The following CSMD1 variants were observed in gnomAD, a reference collection of about 807,000 sequenced individuals.
CSMD1 encodes CUB and Sushi multiple domains 1, also known as CUB and sushi domain-containing protein 1.
Under a neutral mutation model 417.5 loss-of-function variants are expected in CSMD1, and 213 were observed. The ratio of observed to expected loss-of-function variants is 0.51; its 90% confidence interval spans 0.46 to 0.57. The LOEUF (loss-of-function observed/expected upper bound fraction) is 0.57. Ranked by LOEUF, CSMD1 falls within the 20% of genes least tolerant of loss-of-function variation. CSMD1 has a pLI of 0.00. For missense variants in CSMD1, 6,923 were observed against 4,529.7 expected (o/e 1.53, Z -15.17); for synonymous variants, 2,862 against 1,736.8 (o/e 1.65, Z -16.11).
chr8:4,721,704 T>C lies in CSMD1; in HGVS notation c.86-84146A>G, dbSNP rs565425845. 2.0e-5 allele frequency among the ~76,000 whole-genome samples: 3 copies of C among 152,242 alleles called. No homozygotes were observed. The East Asian group carries it at 5.8e-4, about 29-fold the overall frequency. On this transcript the variant is annotated intron_variant, in intron 1 of 69. Transcript: ENST00000635120. ...ATATAACCCAGCAATCCCCCTGTTG[T>C]ATCTAAAACCAAAGGAAATGAAACC...
chr8:3,024,854 G>A (rs1178812949), intron 51 of CSMD1, among the ~76,000 whole-genome samples: 1 of 151,492 alleles, frequency 6.6e-6, no homozygotes, highest in African/African-American at 2.4e-5. Flanking sequence ...TAGTACTCAT[G>A]AAAATCCATG....
intron 26 of CSMD1, among the ~76,000 whole-genome samples, chr8:3,258,697 C>A (rs961624446): frequency 6.6e-5 from 10 of 152,136 alleles, no homozygotes; most frequent in African/African-American, 2.4e-4. Context: ...AACCTAAATG[C>A]CCATCAGTGA....
intron 25 of CSMD1, 106 bp downstream of exon 25, chr8:3,307,589 G>A (rs1420752888): frequency 7.7e-6 from 10 of 1,292,060 alleles, no homozygotes; most frequent in African/African-American, 1.5e-5. Context: ...TTCTTCTTTA[G>A]TTCAGAAACT....
At chr8:4,954,010 G>C (rs142354674) in intron 1 of CSMD1, among the ~76,000 whole-genome samples, 1 of 152,002 alleles carries the variant, frequency 6.6e-6, no homozygotes, top group East Asian at 1.9e-4. Flanking sequence ...CAATGAAGAC[G>C]TTACCCTTCC....
intron 3 of CSMD1, among the ~76,000 whole-genome samples, chr8:4,209,496 C>T (rs1412370706): frequency 1.3e-5 from 2 of 152,342 alleles, no homozygotes; most frequent in South Asian, 2.1e-4. Context: ...CTTAACCTCA[C>T]TCCCATGGCC....
At chr8:3,032,318 T>C (rs1810395011) in intron 50 of CSMD1, among the ~76,000 whole-genome samples, 1 of 151,970 alleles carries the variant, frequency 6.6e-6, no homozygotes, top group South Asian at 2.1e-4. Context: ...TCCCAAATAA[T>C]ATAAACCAAG....
At chr8:4,313,945 C>G (rs1431777153) in intron 3 of CSMD1, among the ~76,000 whole-genome samples, 1 of 151,814 alleles carries the variant, frequency 6.6e-6, no homozygotes, top group African/African-American at 2.4e-5. Context: ...ACCTGGGAGG[C>G]AGAGGTTGCA....
At position 3,848,087 on chromosome 8, in the gene CSMD1, C is replaced by CTCTCTCTT. The variant is rs35963680; in HGVS notation, c.819-94046_819-94045insAAGAGAGA. ...GTGATATTTCTCTCTCTCTCTCTCT[C>CTCTCTCTT]TCTAAATATATATACTTACTTAGTG... On this transcript the variant is annotated intron_variant, in intron 5 of 69. Transcript: ENST00000635120. Among the ~76,000 whole-genome samples the CTCTCTCTT allele has an allele frequency of 8.1e-4, 121 of 149,544 alleles. 1 individual carries two copies. The highest frequency in any genetic ancestry group is 3.5e-3 in the Admixed American group (52 of 15,018).
At chr8:4,700,276 T>C (rs934603843) in intron 1 of CSMD1, among the ~76,000 whole-genome samples, 28 of 152,042 alleles carry the variant, frequency 1.8e-4, no homozygotes, top group African/African-American at 6.5e-4. Context: ...GAAACTCAAA[T>C]TTTGTGAGTA....
intron 1 of CSMD1, among the ~76,000 whole-genome samples, chr8:4,896,557 T>C (rs1185738423): frequency 6.6e-6 from 1 of 152,114 alleles, no homozygotes; most frequent in Non-Finnish European, 1.5e-5. Flanking sequence ...TTCCTTCACC[T>C]AACCTTACAC....
At chr8:4,193,231 C>T (rs1167774134) in intron 3 of CSMD1, among the ~76,000 whole-genome samples, 7 of 152,116 alleles carry the variant, frequency 4.6e-5, no homozygotes, top group East Asian at 1.9e-4. Context: ...CTGCCACAAA[C>T]GTAAAACCTT....
Position 4,891,677 on chromosome 8 carries a change from C to T in CSMD1, c.85+102655G>A, listed in dbSNP as rs17071765. On this transcript the variant is annotated intron_variant, in intron 1 of 69. Coordinates refer to ENST00000635120, the MANE Select transcript of CSMD1 (RefSeq NM_033225.6). ...AAATTGGAAACACTATGTATTTATC[C>T]TAAGGGCTTATATTAATGCATACAA... Among the ~76,000 whole-genome samples, 1,128 of 152,070 alleles carry T rather than the reference C, an allele frequency of 7.4e-3. 29 individuals carry two copies. The highest frequency in any genetic ancestry group is 0.026 in the African/African-American group (1,073 of 41,420).
chr8:4,890,345 G>A (rs1269105061), intron 1 of CSMD1, among the ~76,000 whole-genome samples: 1 of 152,108 alleles, frequency 6.6e-6, no homozygotes, highest in Non-Finnish European at 1.5e-5. Flanking sequence ...GATTAGAGTA[G>A]GAAGGCACAT....
At chr8:3,797,854 T>A (rs578052543) in intron 5 of CSMD1, among the ~76,000 whole-genome samples, 1 of 152,042 alleles carries the variant, frequency 6.6e-6, no homozygotes, top group Non-Finnish European at 1.5e-5. Context: ...AAGGTGATTG[T>A]ACCATTTTAT....
At chr8:4,821,997 G>A (rs879819035) in intron 1 of CSMD1, among the ~76,000 whole-genome samples, 10 of 152,174 alleles carry the variant, frequency 6.6e-5, no homozygotes, top group Non-Finnish European at 1.5e-4. Flanking sequence ...CCTCTGTAAT[G>A]CAATGACTTC....
At chr8:4,385,839 C>A (rs914829086) in intron 3 of CSMD1, among the ~76,000 whole-genome samples, 1 of 152,114 alleles carries the variant, frequency 6.6e-6, no homozygotes, top group Non-Finnish European at 1.5e-5. Flanking sequence ...TTCTGGGAAA[C>A]TGTTAAAATC....
intron 18 of CSMD1, among the ~76,000 whole-genome samples, chr8:3,376,878 G>C (rs923269958): frequency 6.6e-6 from 1 of 152,088 alleles, no homozygotes; most frequent in Non-Finnish European, 1.5e-5. Context: ...AAAACCCATG[G>C]GGTTTAAGAG....
chr8:4,624,916 T>A (rs772133090), intron 2 of CSMD1, among the ~76,000 whole-genome samples: 2 of 152,146 alleles, frequency 1.3e-5, no homozygotes, highest in Non-Finnish European at 2.9e-5. Context: ...TTTTTAAAAT[T>A]AAAGTGTGCT....
At chr8:4,010,938 C>T (rs1009450541) in intron 4 of CSMD1, among the ~76,000 whole-genome samples, 1 of 152,106 alleles carries the variant, frequency 6.6e-6, no homozygotes, top group African/African-American at 2.4e-5. Flanking sequence ...CTACATTGGC[C>T]CATAATGATG....
Sources: gnomAD v4.1 joint callset for allele counts (sites outside exome capture counted in the v4.1 genomes callset) on GRCh38, gnomAD v4.1.1 for gene constraint, MANE v1.5 for transcripts, NCBI Gene and HGNC (gene_info 2026-07-23, HGNC 2026-07-21) for gene names.